MAGI2: variants seen among roughly 807,000 people sequenced by gnomAD.
MAGI2 encodes membrane associated guanylate kinase, WW and PDZ domain containing 2.
MAGI2 carries 35 observed loss-of-function variants against 133.3 expected under a neutral mutation model. That is an observed-to-expected ratio of 0.26 (90% CI 0.20 to 0.35). MAGI2 has a LOEUF of 0.35. Ranked by LOEUF, MAGI2 falls within the 10% of genes least tolerant of loss-of-function variation. The pLI is 1.00. For missense variants in MAGI2, 1,636 were observed against 1,863.4 expected, an observed-to-expected ratio of 0.88 and a Z score of 2.25; for synonymous variants, 729 against 710.6, an observed-to-expected ratio of 1.03 and a Z score of -0.41.
intron 3 of MAGI2, chr7:78,615,075 C>G (rs903634279): frequency 6.6e-6 from 1 of 152,170 alleles, no homozygotes; most frequent in Non-Finnish European, 1.5e-5. Context: ...TACTTTCTCT[C>G]TGTCCTCCTT....
At chr7:78,929,283 C>T (rs988210742) in intron 2 of MAGI2, among the ~76,000 whole-genome samples, 3 of 152,034 alleles carry the variant, frequency 2.0e-5, no homozygotes, top group East Asian at 1.9e-4. Context: ...TTAAGTTATT[C>T]TGGTGATAAG....
rs368179491 is a variant in MAGI2 at position 78,059,777 on chromosome 7, A to ATATTT, written c.3706+19169_3706+19170insAAATA. 4.7e-3 allele frequency among the ~76,000 whole-genome samples: 690 copies of ATATTT among 146,122 alleles called. 4 individuals carry two copies. The highest frequency in any genetic ancestry group is 0.011 in the South Asian group (51 of 4,562). ...AACAATGCCATATATATATATATAT[A>ATATTT]TTTTTTTTCTGGAGTCCCTACAGCA... is the stretch of plus-strand genomic sequence containing the variant. On this transcript the variant is annotated intron_variant, in intron 21 of 21. Transcript: ENST00000354212.
At chr7:78,539,593 T>C (rs1798243986) in intron 3 of MAGI2, among the ~76,000 whole-genome samples, 1 of 152,210 alleles carries the variant, frequency 6.6e-6, no homozygotes, top group Non-Finnish European at 1.5e-5. Context: ...GGTTGTGTCA[T>C]TATTATCATT....
rs143428613 is a variant in MAGI2 at position 78,413,956 on chromosome 7, A to C, written c.1046-44743T>G. ...AGACATAATGAAGGATTGTCTGGCTATTATAAATAGTAAATTCATAATGGC... is the reference window on the plus strand; with the variant it reads ...AGACATAATGAAGGATTGTCTGGCTCTTATAAATAGTAAATTCATAATGGC... On this transcript the variant is annotated intron_variant, in intron 6 of 21. Coordinates refer to ENST00000354212, the MANE Select transcript of MAGI2 (RefSeq NM_012301.4). Among the ~76,000 whole-genome samples the C allele has an allele frequency of 8.2e-3, 1,242 of 152,218 alleles. 74 individuals are homozygous for C. Among genetic ancestry groups the C allele is most frequent in the Admixed American group, 0.074 (1,128 of 15,260 alleles).
Position 78,670,073 on chromosome 7 carries a change from G to A in MAGI2, c.419-42834C>T, listed in dbSNP as rs951870167. Among the ~76,000 whole-genome samples the A allele has an allele frequency of 5.9e-5, 9 of 151,636 alleles. 1 individual carries two copies. Among genetic ancestry groups the A allele is most frequent in the African/African-American group, 2.0e-4 (8 of 40,990 alleles). ...CATAGTGTTGGAAGTTCTGGCCAGG[G>A]CAATTAGGCAGGAGAAGGAAATAAA... On this transcript the variant is annotated intron_variant, in intron 2 of 21. Coordinates refer to ENST00000354212, the MANE Select transcript of MAGI2 (RefSeq NM_012301.4).
intron 9 of MAGI2, among the ~76,000 whole-genome samples, chr7:78,266,497 T>A (rs1340988604): frequency 6.6e-6 from 1 of 151,336 alleles, no homozygotes; most frequent in East Asian, 2.0e-4. Flanking sequence ...GCCAACACAC[T>A]CAGCCAGAGC....
chr7:78,943,585 T>C (rs1801161317), intron 2 of MAGI2, among the ~76,000 whole-genome samples: 1 of 152,178 alleles, frequency 6.6e-6, no homozygotes, highest in Non-Finnish European at 1.5e-5. Context: ...ATGCTTTTAA[T>C]GTTTTGTTTT....
chr7:78,677,485 A>C (rs1482290250), intron 2 of MAGI2, among the ~76,000 whole-genome samples: 3 of 152,018 alleles, frequency 2.0e-5, no homozygotes, highest in African/African-American at 7.2e-5. Flanking sequence ...ATGGTACTTA[A>C]AGTTTAAATG....
intron 1 of MAGI2, among the ~76,000 whole-genome samples, chr7:79,433,203 G>T (rs1205901883): frequency 1.3e-5 from 2 of 152,132 alleles, no homozygotes; most frequent in Non-Finnish European, 2.9e-5. Flanking sequence ...CTGTCTAGAG[G>T]TAGGGCAATG....
At chr7:78,175,781 A>C (rs987821478) in intron 14 of MAGI2, among the ~76,000 whole-genome samples, 8 of 152,154 alleles carry the variant, frequency 5.3e-5, no homozygotes, top group African/African-American at 1.9e-4. Flanking sequence ...ACTCTGGATA[A>C]TGACACGTTT....
intron 1 of MAGI2, among the ~76,000 whole-genome samples, chr7:79,105,310 A>G (rs1018023753): frequency 7.9e-5 from 12 of 152,210 alleles, no homozygotes; most frequent in Non-Finnish European, 1.8e-4. Context: ...CAACTGACTT[A>G]TGGAACTGTC....
chr7:78,511,151 G>A (rs1482313209), intron 4 of MAGI2, among the ~76,000 whole-genome samples: 1 of 152,110 alleles, frequency 6.6e-6, no homozygotes, highest in Non-Finnish European at 1.5e-5. Flanking sequence ...ACAGGCTCTT[G>A]TAAATAAATC....
chr7:78,531,348 G>T (rs1797457011), intron 3 of MAGI2, among the ~76,000 whole-genome samples: 1 of 151,692 alleles, frequency 6.6e-6, no homozygotes, highest in Non-Finnish European at 1.5e-5. Flanking sequence ...CAAGTAGCTG[G>T]GGCTACAGGC....
intron 20 of MAGI2, among the ~76,000 whole-genome samples, chr7:78,120,729 C>A (rs1283643013): frequency 6.6e-6 from 1 of 151,768 alleles, no homozygotes. Context: ...GGACCGGGCG[C>A]GGTGGCTCAC....
intron 1 of MAGI2, among the ~76,000 whole-genome samples, chr7:79,304,752 G>A (rs1585500847): frequency 6.6e-6 from 1 of 152,182 alleles, no homozygotes; most frequent in East Asian, 1.9e-4. Context: ...AGCTTCTCAA[G>A]TGCTATGGCC....
intron 9 of MAGI2, among the ~76,000 whole-genome samples, chr7:78,285,310 T>C (rs1796032811): frequency 6.6e-6 from 1 of 152,140 alleles, no homozygotes; most frequent in South Asian, 2.1e-4. Context: ...AGTTACATAA[T>C]ACAGTTACAT....
intron 2 of MAGI2, among the ~76,000 whole-genome samples, chr7:78,647,974 C>T (rs1016026612): frequency 3.9e-5 from 6 of 152,048 alleles, no homozygotes; most frequent in Non-Finnish European, 8.8e-5. Context: ...GGCAGGGGAA[C>T]ATTACACTCC....
Position 79,351,731 on chromosome 7 carries a change from T to C in MAGI2, c.301+101289A>G, listed in dbSNP as rs996056948. 3 of 152,224 alleles carry C rather than the reference T, an allele frequency of 2.0e-5. No individual in the cohort carries two copies. In the East Asian group the frequency reaches 5.8e-4, roughly 29 times the overall value. 9.4% of individuals were successfully genotyped at this position (152,224 alleles called of 1,614,324 possible). On this transcript the variant is annotated intron_variant, in intron 1 of 21. Coordinates refer to ENST00000354212, the MANE Select transcript of MAGI2 (RefSeq NM_012301.4). Reference sequence around the variant, plus strand: ...GTCAATGTGAAAGATGAACACTTTCTAAAAACATGGATCAGTCTGTGCTGT... The same window carrying C: ...GTCAATGTGAAAGATGAACACTTTCCAAAAACATGGATCAGTCTGTGCTGT...
intron 1 of MAGI2, among the ~76,000 whole-genome samples, chr7:79,131,593 T>C (rs1404639710): frequency 6.6e-6 from 1 of 152,194 alleles, no homozygotes; most frequent in Non-Finnish European, 1.5e-5. Flanking sequence ...TGAGAAATGT[T>C]AGAGCCTGAA....
Sources: gnomAD v4.1 joint callset for allele counts (sites outside exome capture counted in the v4.1 genomes callset) on GRCh38, gnomAD v4.1.1 for gene constraint, MANE v1.5 for transcripts, NCBI Gene and HGNC (gene_info 2026-07-23, HGNC 2026-07-21) for gene names.